The following PDE1C variants were observed in gnomAD, a reference collection of about 807,000 sequenced individuals.
The protein encoded by PDE1C is phosphodiesterase 1C.
In PDE1C, 62 loss-of-function variants were observed where a neutral mutation model predicts 93.1. The observed-to-expected ratio is 0.67, with a 90% CI of 0.54 to 0.82. The LOEUF is 0.82. Among genes scored for constraint, PDE1C ranks in the 40% least tolerant of loss-of-function variants. PDE1C has a pLI of 0.00. For missense variants in PDE1C, 742 were observed against 884.6 expected, an observed-to-expected ratio of 0.84 and a Z score of 2.04; for synonymous variants, 325 against 310.1, an observed-to-expected ratio of 1.05 and a Z score of -0.50.
chr7:32,263,043 C>T (rs1318313637), intron 1 of PDE1C, among the ~76,000 whole-genome samples: 1 of 152,192 alleles, frequency 6.6e-6, no homozygotes, highest in African/African-American at 2.4e-5. Flanking sequence ...TTCCTCCTTT[C>T]AGTCAGGTGG....
At chr7:31,984,993 G>A (rs1783174445) in intron 2 of PDE1C, among the ~76,000 whole-genome samples, 1 of 152,076 alleles carries the variant, frequency 6.6e-6, no homozygotes, top group South Asian at 2.1e-4. Context: ...CTACTCTGAA[G>A]GAAACACGAC....
At chr7:31,692,295 T>C in the PDE1C span, 4 of 622,656 alleles carry the variant, frequency 6.4e-6, no homozygotes, top group East Asian at 5.8e-5. Context: ...AGAAACAGGA[T>C]TGGATTGGGA....
At chr7:32,236,848 G>A (rs1299117704) in intron 1 of PDE1C, among the ~76,000 whole-genome samples, 1 of 152,086 alleles carries the variant, frequency 6.6e-6, no homozygotes, top group Non-Finnish European at 1.5e-5. Flanking sequence ...AAACGTTTAT[G>A]GCAGCTCTAT....
chr7:31,774,066 A>T (rs1406423535), intron 17 of PDE1C, among the ~76,000 whole-genome samples: 1 of 152,202 alleles, frequency 6.6e-6, no homozygotes, highest in East Asian at 1.9e-4. Context: ...AAGTTACAAA[A>T]GCAGGCAGAC....
intron 1 of PDE1C, among the ~76,000 whole-genome samples, chr7:32,292,196 A>T (rs560255104): frequency 6.6e-6 from 1 of 152,236 alleles, no homozygotes; most frequent in East Asian, 1.9e-4. Context: ...ATTTTTAAAA[A>T]TTTAAAATAT....
intron 1 of PDE1C, among the ~76,000 whole-genome samples, chr7:32,279,497 T>C (rs1811490656): frequency 6.6e-6 from 1 of 152,190 alleles, no homozygotes; most frequent in Non-Finnish European, 1.5e-5. Context: ...AAAGGATCAA[T>C]GTTTGAGGTG....
chr7:31,730,397 G>T, the PDE1C span, among the ~76,000 whole-genome samples: 4 of 152,006 alleles, frequency 2.6e-5, no homozygotes, highest in African/African-American at 9.7e-5. Flanking sequence ...GTCACCTCAG[G>T]GCCACTCGTG....
the PDE1C span, among the ~76,000 whole-genome samples, chr7:31,720,711 T>C: frequency 4.3e-4 from 66 of 152,330 alleles, no homozygotes; most frequent in African/African-American, 1.5e-3. Flanking sequence ...TGTGTAGTTA[T>C]AAATCCCCTC....
At chr7:32,116,250 G>A (rs1381410869) in intron 3 of PDE1C, among the ~76,000 whole-genome samples, 1 of 152,136 alleles carries the variant, frequency 6.6e-6, no homozygotes, top group Non-Finnish European at 1.5e-5. Flanking sequence ...CAACTGTAAT[G>A]TCATGCTTAT....
chr7:31,984,544 T>C (rs1250498405), intron 2 of PDE1C, among the ~76,000 whole-genome samples: 1 of 152,158 alleles, frequency 6.6e-6, no homozygotes, highest in Non-Finnish European at 1.5e-5. Flanking sequence ...GTATCACTCT[T>C]TCATGCTTGA....
intron 2 of PDE1C, among the ~76,000 whole-genome samples, chr7:31,895,773 A>G (rs1035162372): frequency 2.0e-5 from 3 of 151,954 alleles, no homozygotes; most frequent in Admixed American, 2.0e-4. Flanking sequence ...AGTCTCATGA[A>G]CACCGATGAT....
chr7:32,199,838 C>T (rs1361696441), intron 2 of PDE1C, among the ~76,000 whole-genome samples: 1 of 152,146 alleles, frequency 6.6e-6, no homozygotes, highest in Non-Finnish European at 1.5e-5. Flanking sequence ...ACCAGCATGA[C>T]ATCACAAGTG....
intron 2 of PDE1C, among the ~76,000 whole-genome samples, chr7:31,917,982 A>C (rs1434967506): frequency 6.6e-6 from 1 of 152,178 alleles, no homozygotes; most frequent in Non-Finnish European, 1.5e-5. Flanking sequence ...CCCATATATC[A>C]AAGACTGTCA....
At chr7:32,374,259 G>GAAAGA (rs1784390514) in intron 1 of PDE1C, among the ~76,000 whole-genome samples, 1 of 94,244 alleles carries the variant, frequency 1.1e-5, no homozygotes, top group South Asian at 3.2e-4. Context: ...AGGAAAGGAA[G>GAAAGA]AAAGAAAGAA....
chr7:31,721,481 C>T, the PDE1C span, among the ~76,000 whole-genome samples: 10 of 152,140 alleles, frequency 6.6e-5, no homozygotes, highest in Admixed American at 5.2e-4. Context: ...GTACTGGCTA[C>T]TGCATTGGGC....
At chr7:32,262,270 G>GCTAA (rs940504676) in intron 1 of PDE1C, among the ~76,000 whole-genome samples, 3 of 152,098 alleles carry the variant, frequency 2.0e-5, no homozygotes, top group Non-Finnish European at 4.4e-5. Flanking sequence ...TAACCAGGTA[G>GCTAA]CTAAGTCTGT....
the PDE1C span, among the ~76,000 whole-genome samples, chr7:31,664,049 T>G: frequency 2.6e-5 from 4 of 152,184 alleles, no homozygotes; most frequent in Admixed American, 6.5e-5. Context: ...TTACAGAGAT[T>G]AAGTGATTTG....
At chr7:31,799,559 A>T (rs999919962) in intron 16 of PDE1C, among the ~76,000 whole-genome samples, 7 of 151,732 alleles carry the variant, frequency 4.6e-5, no homozygotes, top group African/African-American at 1.5e-4. Flanking sequence ...TCTATTTTTT[A>T]AAAAATTAAA....
intron 2 of PDE1C, among the ~76,000 whole-genome samples, chr7:32,191,805 G>A (rs991774480): frequency 6.6e-6 from 1 of 152,138 alleles, no homozygotes; most frequent in South Asian, 2.1e-4. Context: ...TTACTTTTCA[G>A]AATGGCTGTA....
Sources: gnomAD v4.1 joint callset for allele counts (sites outside exome capture counted in the v4.1 genomes callset) on GRCh38, gnomAD v4.1.1 for gene constraint, MANE v1.5 for transcripts, NCBI Gene and HGNC (gene_info 2026-07-23, HGNC 2026-07-21) for gene names.